Variants in SLC1A2 observed in about 807,000 individuals in gnomAD.
SLC1A2 encodes the protein solute carrier family 1 member 2.
SLC1A2 carries 15 observed loss-of-function variants against 48.8 expected under a neutral mutation model. The observed-to-expected ratio is 0.31, with a 90% CI of 0.21 to 0.47. SLC1A2 has a LOEUF of 0.47. Among genes scored for constraint, SLC1A2 ranks in the 20% least tolerant of loss-of-function variants. The pLI is 0.99. For synonymous variants in SLC1A2, 279 were observed against 272.6 expected (o/e 1.02, Z -0.23); for missense variants, 502 against 730.5 (o/e 0.69, Z 3.61).
intron 1 of SLC1A2, among the ~76,000 whole-genome samples, chr11:35,415,847 G>A (rs146278706): frequency 2.0e-5 from 3 of 152,254 alleles, no homozygotes; most frequent in East Asian, 3.9e-4. Context: ...CCACCTCCAA[G>A]AAGATATTTC....
At chr11:35,323,789 T>G (rs867149470) in intron 1 of SLC1A2, among the ~76,000 whole-genome samples, 1 of 152,240 alleles carries the variant, frequency 6.6e-6, no homozygotes, top group Non-Finnish European at 1.5e-5. Context: ...CCTTTTAACC[T>G]GTCCTATCTG....
intron 1 of SLC1A2, among the ~76,000 whole-genome samples, chr11:35,344,877 C>T (rs1852973031): frequency 6.6e-6 from 1 of 152,166 alleles, no homozygotes; most frequent in South Asian, 2.1e-4. Context: ...CCCTGAGCAC[C>T]TGGATTGGAT....
At chr11:35,415,131 T>A (rs1472542567) in intron 1 of SLC1A2, among the ~76,000 whole-genome samples, 1 of 152,222 alleles carries the variant, frequency 6.6e-6, no homozygotes, top group Admixed American at 6.5e-5. Flanking sequence ...TGCTCGTTTT[T>A]TGCAGCTGAA....
intron 1 of SLC1A2, among the ~76,000 whole-genome samples, chr11:35,336,447 G>A (rs181035093): frequency 6.6e-6 from 1 of 152,106 alleles, no homozygotes; most frequent in African/African-American, 2.4e-5. Context: ...TCACCCAATG[G>A]GCTTTGATAT....
intron 6 of SLC1A2, among the ~76,000 whole-genome samples, chr11:35,299,969 A>T (rs566728199): frequency 6.6e-6 from 1 of 152,278 alleles, no homozygotes; most frequent in Non-Finnish European, 1.5e-5. Flanking sequence ...GACATACAGG[A>T]CCATCCTAGA....
intron 1 of SLC1A2, among the ~76,000 whole-genome samples, chr11:35,319,942 G>A (rs1159043163): frequency 1.3e-5 from 2 of 152,144 alleles, no homozygotes; most frequent in African/African-American, 4.8e-5. Context: ...AATTTTTAAG[G>A]TAATTCAGGG....
chr11:35,415,936 C>G (rs1855590456), intron 1 of SLC1A2, among the ~76,000 whole-genome samples: 1 of 152,248 alleles, frequency 6.6e-6, no homozygotes, highest in Non-Finnish European at 1.5e-5. Flanking sequence ...CTGCCACCAA[C>G]TACTTATAAT....
At position 35,284,110 on chromosome 11, in the gene SLC1A2, T is replaced by TATAA. The variant is rs539270363; in HGVS notation, c.1286+2646_1286+2647insTTAT. ...TATTATATATATATATATATATATA[T>TATAA]AAATTATTATTTTGCAACCCAACAG... On this transcript the variant is annotated intron_variant, in intron 8 of 10. Transcript: ENST00000278379. 3.9e-4 allele frequency among the ~76,000 whole-genome samples: 55 copies of TATAA among 141,160 alleles called. 1 individual carries two copies. The highest frequency in any genetic ancestry group is 8.6e-4 in the South Asian group (4 of 4,660). The allele number at this position is 141,160 out of a possible 152,430, so 92.6% of individuals were successfully genotyped here. A position where few individuals can be genotyped will look rare whatever the true frequency, so the allele number is the denominator to read the frequency against.
At chr11:35,299,353 C>CTCTGTGTGTGTGTGTGTG (rs1554997938) in intron 6 of SLC1A2, 1 of 146,884 alleles carries the variant, frequency 6.8e-6, no homozygotes, top group African/African-American at 2.5e-5. Flanking sequence ...CTCTCTCTCT[C>CTCTGTGTGTGTGTGTGTG]TGTGTGTGTG....
chr11:35,384,994 C>A (rs1458561135), intron 1 of SLC1A2, among the ~76,000 whole-genome samples: 1 of 152,098 alleles, frequency 6.6e-6, no homozygotes, highest in African/African-American at 2.4e-5. Flanking sequence ...TTAAATTTCC[C>A]AGATATATGT....
At chr11:35,345,608 C>T (rs1220179878) in intron 1 of SLC1A2, among the ~76,000 whole-genome samples, 1 of 152,082 alleles carries the variant, frequency 6.6e-6, no homozygotes, top group Non-Finnish European at 1.5e-5. Flanking sequence ...GGTTACCTCC[C>T]CACACCAATC....
At position 35,257,733 on chromosome 11, in the gene SLC1A2, G is replaced by A. The variant is rs1359065687; in HGVS notation, c.*3161C>T. 6.6e-6 allele frequency: 1 copy of A among 152,208 alleles called. No homozygotes were observed. The highest frequency in any genetic ancestry group is 6.5e-5 in the Admixed American group (1 of 15,280). The allele number at this position is 152,208 out of a possible 1,614,324, so 9.4% of individuals were successfully genotyped here. Reference sequence around the variant, plus strand: ...AAGAATGAGAAAGAGAAGAATTAAAGTCTACTTAGTTGGTTTTCTCCTGAA... The same window carrying A: ...AAGAATGAGAAAGAGAAGAATTAAAATCTACTTAGTTGGTTTTCTCCTGAA... On this transcript the variant is annotated 3_prime_UTR_variant, in exon 11 of 11. Coordinates refer to ENST00000278379, the MANE Select transcript of SLC1A2 (RefSeq NM_004171.4).
chr11:35,286,837 G>A lies in SLC1A2; in HGVS notation c.1206C>T (p.Ala402=). 6.2e-7 allele frequency: 1 copy of A among 1,613,886 alleles called. No individual in the cohort carries two copies. The highest frequency in any genetic ancestry group is 8.5e-7 in the Non-Finnish European group (1 of 1,179,860). ...AGATGGCGGCTACCGCTTCATAAAG[G>A]GCTGTACCATCCATGTTAATGGTTG... ...VGATINMDGT[A]LYEAVAAIFI... The change falls in exon 8 of 11, where the codon GCC becomes GCT. Residue 402 remains alanine (A), a synonymous_variant. Transcript: ENST00000278379.
intron 10 of SLC1A2, among the ~76,000 whole-genome samples, chr11:35,263,634 C>A (rs562877700): frequency 6.6e-6 from 1 of 152,096 alleles, no homozygotes; most frequent in Non-Finnish European, 1.5e-5. Context: ...AAGGGCCATA[C>A]GCAGTTAACC....
intron 8 of SLC1A2, chr11:35,286,391 G>A (rs1260901868): frequency 1.2e-5 from 2 of 160,428 alleles, no homozygotes; most frequent in Non-Finnish European, 2.7e-5. Flanking sequence ...CATTACTGAT[G>A]TTGGCCTCAC....
At chr11:35,290,188 C>T (rs1850951319) in intron 7 of SLC1A2, among the ~76,000 whole-genome samples, 1 of 152,180 alleles carries the variant, frequency 6.6e-6, no homozygotes, top group African/African-American at 2.4e-5. Flanking sequence ...TGTCAATGTG[C>T]ATACCATTTG....
intron 1 of SLC1A2, among the ~76,000 whole-genome samples, chr11:35,339,183 T>A (rs948373310): frequency 6.6e-6 from 1 of 152,062 alleles, no homozygotes. Flanking sequence ...CTGGGAAAAA[T>A]TTTTGCTGGG....
chr11:35,265,897 T>C, intron 9 of SLC1A2, 139 bp from the exon 10 acceptor site: 1 of 608,440 alleles, frequency 1.6e-6, no homozygotes, highest in Non-Finnish European at 2.9e-6. Flanking sequence ...GGCAAGTTAC[T>C]TAACTTTCAT....
chr11:35,325,112 A>G (rs1310131976), intron 1 of SLC1A2, among the ~76,000 whole-genome samples: 1 of 152,220 alleles, frequency 6.6e-6, no homozygotes, highest in Non-Finnish European at 1.5e-5. Context: ...AGGAAGATTC[A>G]TGTGGCATGC....
Sources: allele counts gnomAD v4.1 joint callset (sites outside exome capture counted in the v4.1 genomes callset), GRCh38; gene constraint gnomAD v4.1.1; transcripts MANE v1.5; gene names NCBI Gene and HGNC (gene_info 2026-07-23, HGNC 2026-07-21).